STOML3: variants seen among roughly 807,000 people sequenced by gnomAD.
STOML3 encodes stomatin-like protein 3.
Under a neutral mutation model 29.5 loss-of-function variants are expected in STOML3, and 31 were observed. That is an observed-to-expected ratio of 1.05 (90% CI 0.79 to 1.42). The LOEUF (loss-of-function observed/expected upper bound fraction) is 1.42, where lower values mean the gene tolerates loss of function less well. Ranked by LOEUF, STOML3 falls within the 40% of genes most tolerant of loss-of-function variation. The pLI is 0.00. For missense variants in STOML3, 380 were observed against 363.0 expected (o/e 1.05, Z -0.38); for synonymous variants, 122 against 139.8 (o/e 0.87, Z 0.90).
chr13:38,988,842 A>C (rs958756954), intron 1 of STOML3, among the ~76,000 whole-genome samples: 3 of 142,400 alleles, frequency 2.1e-5, no homozygotes, highest in African/African-American at 7.8e-5. Context: ...ACTATAATAC[A>C]TAATATATAT....
chr13:38,985,906 TCTTTC>T (rs145361314), intron 1 of STOML3, among the ~76,000 whole-genome samples: 5 of 96,612 alleles, frequency 5.2e-5, no homozygotes, highest in East Asian at 2.9e-4. Flanking sequence ...TTTTTTCTTT[TCTTTC>T]TTTTTTTTTT....
At chr13:38,988,437 A>T (rs190739018) in intron 1 of STOML3, among the ~76,000 whole-genome samples, 5,869 of 29,072 alleles carry the variant, frequency 0.2, 119 homozygotes, top group Non-Finnish European at 0.22. Context: ...ATTTTATATA[A>T]AATATATTAT....
chr13:38,967,166 T>C, intron 6 of STOML3, 117 bp from the exon 7 acceptor site: 2 of 844,448 alleles, frequency 2.4e-6, no homozygotes, highest in Non-Finnish European at 1.8e-6. Flanking sequence ...CCACATGTGT[T>C]TCATCTACTT....
intron 4 of STOML3, among the ~76,000 whole-genome samples, chr13:38,971,946 C>A (rs1244932735): frequency 4.0e-5 from 6 of 151,876 alleles, no homozygotes; most frequent in South Asian, 2.1e-4. Context: ...AACAAACAAA[C>A]AAAAAAAAGA....
At chr13:38,981,583 A>G (rs933946290) in intron 1 of STOML3, among the ~76,000 whole-genome samples, 1 of 152,196 alleles carries the variant, frequency 6.6e-6, no homozygotes, top group Non-Finnish European at 1.5e-5. Context: ...TTTTATCACA[A>G]ATCTGTGTTA....
chr13:38,981,485 T>C (rs189381135), intron 1 of STOML3, among the ~76,000 whole-genome samples: 23 of 152,280 alleles, frequency 1.5e-4, no homozygotes, highest in African/African-American at 4.8e-4. Flanking sequence ...TTATAGTAAA[T>C]AAAACAGCCT....
At position 38,980,168 on chromosome 13, in the gene STOML3, T is replaced by C. The variant is rs985208524; in HGVS notation, c.53-3371A>G. The stretch of plus-strand genomic sequence containing the variant: ...AGACAAGAGAAGAGAATGTGACTAT[T>C]CTTCCAAGATTTACACTGGAGCATT... On this transcript the variant is annotated intron_variant, in intron 1 of 6. Coordinates refer to ENST00000379631, the MANE Select transcript of STOML3 (RefSeq NM_145286.3). The C allele has an allele frequency of 3.5e-5, 54 of 1,541,292 alleles. No homozygotes were observed. In the African/African-American group the frequency reaches 6.9e-4, roughly 20 times the overall value.
intron 1 of STOML3, among the ~76,000 whole-genome samples, chr13:38,978,050 G>T (rs1441008174): frequency 6.6e-6 from 1 of 152,036 alleles, no homozygotes; most frequent in Non-Finnish European, 1.5e-5. Context: ...GTGAGCCACC[G>T]CGCCCGGCCA....
intron 1 of STOML3, chr13:38,980,105 T>C: frequency 6.4e-7 from 1 of 1,551,562 alleles, no homozygotes; most frequent in Non-Finnish European, 8.7e-7. Flanking sequence ...CACGTGCACA[T>C]GAGGCTCAGC....
chr13:38,967,056 T>A lies in STOML3; in HGVS notation c.652-7A>T. On this transcript the variant is annotated splice_region_variant and splice_polypyrimidine_tract_variant and intron_variant, in intron 6 of 6. Transcript: ENST00000379631. ...CTCCTTCAGCTGCAAGGACCTGAAA[T>A]GACAGAAATAAAATCGTTCAGAAAT... 6.2e-7 allele frequency: 1 copy of A among 1,611,288 alleles called. No individual in the cohort carries two copies. The highest frequency in any genetic ancestry group is 1.1e-5 in the South Asian group (1 of 90,892).
chr13:38,979,462 C>T (rs1156418445), intron 1 of STOML3, among the ~76,000 whole-genome samples: 2 of 152,238 alleles, frequency 1.3e-5, no homozygotes, highest in Admixed American at 6.5e-5. Context: ...TATAGACCCA[C>T]TCCTATGTAT....
rs747116399 is a variant in STOML3 at position 38,976,687 on chromosome 13, G to T, written c.156+7C>A. ...TAGATAGCCCAGTTTATTTCCCAGGGTGTTACCTTCAAGCACATCCATATG... is the reference window on the plus strand; with the variant it reads ...TAGATAGCCCAGTTTATTTCCCAGGTTGTTACCTTCAAGCACATCCATATG... On this transcript the variant is annotated splice_region_variant and intron_variant, in intron 2 of 6. Coordinates refer to ENST00000379631, the MANE Select transcript of STOML3 (RefSeq NM_145286.3). 26 of 1,613,690 alleles carry T rather than the reference G, an allele frequency of 1.6e-5. No homozygotes were observed. Among genetic ancestry groups the T allele is most frequent in the East Asian group, 1.1e-4 (5 of 44,878 alleles).
intron 3 of STOML3, among the ~76,000 whole-genome samples, chr13:38,976,164 A>G (rs998528186): frequency 3.9e-5 from 6 of 151,914 alleles, no homozygotes. Context: ...CTCTCAATAT[A>G]CTCTCCTTGA....
intron 1 of STOML3, among the ~76,000 whole-genome samples, chr13:38,981,997 A>G (rs1881281581): frequency 6.6e-6 from 1 of 152,208 alleles, no homozygotes; most frequent in South Asian, 2.1e-4. Context: ...AAGCCAAGAT[A>G]TGAAGTTTGC....
intron 1 of STOML3, among the ~76,000 whole-genome samples, chr13:38,987,393 G>A (rs770059020): frequency 5.6e-4 from 85 of 151,786 alleles, no homozygotes; most frequent in African/African-American, 2.9e-4. Context: ...CCATGGTGGC[G>A]CATGCCTGTA....
At position 38,988,317 on chromosome 13, in the gene STOML3, A is replaced by G. The variant is rs1404613633; in HGVS notation, c.52+2353T>C. Among the ~76,000 whole-genome samples the G allele has an allele frequency of 1.6e-4, 13 of 81,616 alleles. 1 individual carries two copies. The highest frequency in any genetic ancestry group is 8.1e-4 in the African/African-American group (13 of 15,970). The allele number at this position is 81,616 out of a possible 152,430, so 53.5% of individuals were successfully genotyped here. The stretch of plus-strand genomic sequence containing the variant: ...TTATATCATATATTTTATATATAAT[A>G]TATTATATTTTATATATAATATATT... On this transcript the variant is annotated intron_variant, in intron 1 of 6. Coordinates refer to ENST00000379631, the MANE Select transcript of STOML3 (RefSeq NM_145286.3).
At position 38,976,734 on chromosome 13, in the gene STOML3, A is replaced by C. The variant is rs774782156; in HGVS notation, c.116T>G (p.Val39Gly). 6.2e-7 allele frequency: 1 copy of C among 1,614,116 alleles called. No homozygotes were observed. The highest frequency in any genetic ancestry group is 1.7e-5 in the Admixed American group (1 of 59,998). ...TATGGAGATGGGGAAGGTAATGATCACCAACAGGAAAGAGAGGGAAAACAG... is the reference window on the plus strand; with the variant it reads ...TATGGAGATGGGGAAGGTAATGATCCCCAACAGGAAAGAGAGGGAAAACAG... Reference protein sequence around the residue: ...WILFSLSFLLVIITFPISIWM... With the variant: ...WILFSLSFLLGIITFPISIWM... Residue 39 changes from valine (V) to glycine (G), a missense_variant, in exon 2 of 7, where the codon GTG becomes GGG. Physicochemically the swap from Val to Gly is moderately radical, Grantham distance 109. Transcript: ENST00000379631.
intron 3 of STOML3, 116 bp from the exon 4 acceptor site, chr13:38,972,710 C>T (rs1472563290): frequency 3.6e-6 from 3 of 823,118 alleles, no homozygotes; most frequent in African/African-American, 1.7e-5. Context: ...AGATGATCCT[C>T]AATATGCACA....
chr13:38,973,552 C>T (rs1468550024), intron 3 of STOML3, among the ~76,000 whole-genome samples: 1 of 152,136 alleles, frequency 6.6e-6, no homozygotes, highest in African/African-American at 2.4e-5. Flanking sequence ...TTTACAAGGC[C>T]ACTAATTCCA....
Sources: allele counts gnomAD v4.1 joint callset (sites outside exome capture counted in the v4.1 genomes callset), GRCh38; gene constraint gnomAD v4.1.1; transcripts MANE v1.5; gene names NCBI Gene and HGNC (gene_info 2026-07-23, HGNC 2026-07-21).